Variants in RANBP2 observed in about 807,000 individuals in gnomAD.
RANBP2 encodes RAN binding protein 2, also known as E3 SUMO-protein ligase RanBP2.
RANBP2 carries 57 observed loss-of-function variants against 303.6 expected under a neutral mutation model. The observed-to-expected ratio is 0.19, with a 90% CI of 0.15 to 0.23. The LOEUF is 0.23. RANBP2 is among the 10% of genes least tolerant of loss of function. RANBP2 has a pLI of 1.00. For missense variants in RANBP2, 3,138 were observed against 3,780.8 expected, an observed-to-expected ratio of 0.83 and a Z score of 4.46; for synonymous variants, 1,167 against 1,301.5, an observed-to-expected ratio of 0.90 and a Z score of 2.23.
At chr2:109,490,116 A>G in the RANBP2 span, among the ~76,000 whole-genome samples, 1 of 152,180 alleles carries the variant, frequency 6.6e-6, no homozygotes, top group African/African-American at 2.4e-5. Flanking sequence ...TCCTGATGGA[A>G]CCATTCTCCA....
At chr2:108,860,771 G>A in the RANBP2 span, among the ~76,000 whole-genome samples, 1 of 151,534 alleles carries the variant, frequency 6.6e-6, no homozygotes. Context: ...TTCTACTTTT[G>A]TTGTGTCTTT....
chr2:109,401,639 C>T, the RANBP2 span, among the ~76,000 whole-genome samples: 1 of 152,204 alleles, frequency 6.6e-6, no homozygotes, highest in Non-Finnish European at 1.5e-5. Flanking sequence ...GCTGCTGTGT[C>T]CCAAGAGGGC....
At chr2:109,453,307 A>C in the RANBP2 span, among the ~76,000 whole-genome samples, 3 of 152,106 alleles carry the variant, frequency 2.0e-5, no homozygotes, top group Non-Finnish European at 4.4e-5. Context: ...CAACACCCAC[A>C]AGTTACACAG....
At chr2:108,725,277 G>T (rs1425954618) in intron 1 of RANBP2, among the ~76,000 whole-genome samples, 1 of 152,228 alleles carries the variant, frequency 6.6e-6, no homozygotes. Context: ...GCATTTACCT[G>T]CTTGAGCTTC....
chr2:108,938,947 T>G, the RANBP2 span, among the ~76,000 whole-genome samples: 2 of 151,744 alleles, frequency 1.3e-5, no homozygotes, highest in Non-Finnish European at 2.9e-5. Flanking sequence ...ATCCAACTAA[T>G]TTTTGTATTT....
the RANBP2 span, among the ~76,000 whole-genome samples, chr2:109,391,388 G>A: frequency 1.3e-5 from 2 of 152,212 alleles, no homozygotes; most frequent in African/African-American, 2.4e-5. Flanking sequence ...TGTGCTGGAG[G>A]GATGCAGGTC....
the RANBP2 span, chr2:108,929,063 G>A: frequency 2.9e-6 from 3 of 1,030,022 alleles, no homozygotes; most frequent in Non-Finnish European, 2.9e-6. Context: ...CTTGTGGGAT[G>A]GGACCAAGGC....
At chr2:108,876,321 C>A in the RANBP2 span, 2 of 837,360 alleles carry the variant, frequency 2.4e-6, no homozygotes, top group Admixed American at 2.6e-5. Flanking sequence ...ACCAAAGTAA[C>A]TACAATTCTA....
chr2:108,918,422 G>C, the RANBP2 span, among the ~76,000 whole-genome samples: 2 of 152,184 alleles, frequency 1.3e-5, no homozygotes, highest in Non-Finnish European at 2.9e-5. Context: ...CTCCAGGTGG[G>C]TTTCTGTTGG....
At chr2:109,611,260 G>A in the RANBP2 span, among the ~76,000 whole-genome samples, 1 of 152,048 alleles carries the variant, frequency 6.6e-6, no homozygotes, top group Admixed American at 6.6e-5. Context: ...AAAATCTTTG[G>A]GATCTAAGGT....
At chr2:108,812,087 A>T in the RANBP2 span, among the ~76,000 whole-genome samples, 1 of 152,286 alleles carries the variant, frequency 6.6e-6, no homozygotes, top group African/African-American at 2.4e-5. Flanking sequence ...TGTGCAAGAC[A>T]TCTCTACTTG....
chr2:109,410,741 C>T, the RANBP2 span, among the ~76,000 whole-genome samples: 83 of 152,362 alleles, frequency 5.4e-4, no homozygotes, highest in Non-Finnish European at 1.0e-3. Flanking sequence ...TTTAAAAAGA[C>T]CGTGGTGCAA....
the RANBP2 span, chr2:108,884,313 CAGGT>C: frequency 6.6e-6 from 1 of 152,318 alleles, no homozygotes; most frequent in African/African-American, 2.4e-5. Context: ...TCAAAGAAAA[CAGGT>C]AGAGAGGCAC....
the RANBP2 span, among the ~76,000 whole-genome samples, chr2:109,264,465 C>G: frequency 2.0e-5 from 3 of 152,416 alleles, no homozygotes; most frequent in East Asian, 5.8e-4. Flanking sequence ...CATCTACCTC[C>G]CTATATGTCC....
At chr2:109,450,844 T>C in the RANBP2 span, among the ~76,000 whole-genome samples, 9 of 152,270 alleles carry the variant, frequency 5.9e-5, no homozygotes, top group African/African-American at 1.9e-4. Context: ...CTCTCTTGGC[T>C]TGACTGATTC....
At chr2:109,513,371 GCA>G in the RANBP2 span, among the ~76,000 whole-genome samples, 2 of 150,558 alleles carry the variant, frequency 1.3e-5, no homozygotes, top group African/African-American at 4.9e-5. Flanking sequence ...CCTCCCGTAT[GCA>G]CACACTTCAC....
chr2:108,925,379 A>G, the RANBP2 span, among the ~76,000 whole-genome samples: 2 of 152,198 alleles, frequency 1.3e-5, no homozygotes, highest in Non-Finnish European at 2.9e-5. Flanking sequence ...TCATGGGTAA[A>G]GCTCCAAGGC....
At chr2:109,283,005 C>A in the RANBP2 span, among the ~76,000 whole-genome samples, 1 of 152,306 alleles carries the variant, frequency 6.6e-6, no homozygotes. Flanking sequence ...GGGGTGACTG[C>A]TTGGCATGGG....
chr2:109,295,457 G>A, the RANBP2 span, among the ~76,000 whole-genome samples: 1 of 152,250 alleles, frequency 6.6e-6, no homozygotes, highest in Non-Finnish European at 1.5e-5. Flanking sequence ...GCAGGGCAGG[G>A]AGAGGACCCT....
Sources: gnomAD v4.1 joint callset for allele counts (sites outside exome capture counted in the v4.1 genomes callset) on GRCh38, gnomAD v4.1.1 for gene constraint, MANE v1.5 for transcripts, NCBI Gene and HGNC (gene_info 2026-07-23, HGNC 2026-07-21) for gene names.